S100Z: variants seen among roughly 807,000 people sequenced by gnomAD.
S100Z encodes S100 calcium binding protein Z, also known as protein S100-Z.
S100Z carries 11 observed loss-of-function variants against 8.5 expected under a neutral mutation model. The ratio of observed to expected loss-of-function variants is 1.30; its 90% CI spans 0.82 to 2.15. The LOEUF (loss-of-function observed/expected upper bound fraction) is 2.15. Among genes scored for constraint, S100Z ranks in the 30% most tolerant of loss-of-function variants. S100Z has a pLI of 0.00. For synonymous variants in S100Z, 34 were observed against 43.8 expected (o/e 0.78, Z 0.89); for missense variants, 126 against 117.9 (o/e 1.07, Z -0.32).
the S100Z span, among the ~76,000 whole-genome samples, chr5:76,937,866 T>C: frequency 6.6e-6 from 1 of 152,080 alleles, no homozygotes; most frequent in Non-Finnish European, 1.5e-5. Flanking sequence ...TCCCTTTTTC[T>C]TTTCTAGAAC....
chr5:76,939,873 T>C, the S100Z span, among the ~76,000 whole-genome samples: 1 of 151,798 alleles, frequency 6.6e-6, no homozygotes, highest in Admixed American at 6.6e-5. Context: ...AAATCAGGTT[T>C]ACTGGGCCAG....
At chr5:76,883,523 A>T (rs539216864) in intron 4 of S100Z, among the ~76,000 whole-genome samples, 22 of 152,280 alleles carry the variant, frequency 1.4e-4, no homozygotes, top group African/African-American at 4.8e-4. Flanking sequence ...AAAAGAAGGT[A>T]ATGTGGAGTT....
downstream of S100Z, among the ~76,000 whole-genome samples, chr5:76,926,365 G>A (rs986876861): frequency 2.6e-5 from 4 of 152,078 alleles, no homozygotes; most frequent in Non-Finnish European, 5.9e-5. Flanking sequence ...TCACCAATAA[G>A]GAAATACAAA....
At chr5:76,892,349 G>A (rs1464907676) in intron 4 of S100Z, among the ~76,000 whole-genome samples, 2 of 152,112 alleles carry the variant, frequency 1.3e-5, no homozygotes, top group East Asian at 1.9e-4. Flanking sequence ...CTTGCCACAG[G>A]AAAAGTGGGG....
the S100Z span, among the ~76,000 whole-genome samples, chr5:76,940,728 T>TATGTAATAGTATTAACTAGAGTCC: frequency 8.5e-5 from 13 of 152,338 alleles, no homozygotes; most frequent in East Asian, 1.9e-3. Context: ...AACCAATCTC[T>TATGTAATAGTATTAACTAGAGTCC]ATGTAATAGT....
chr5:76,862,891 G>A (rs13153356), intron 1 of S100Z, among the ~76,000 whole-genome samples: 51,457 of 152,030 alleles, frequency 0.34, 9,752 homozygotes, highest in South Asian at 0.65. Context: ...CCTGCTCTGT[G>A]AATTGTACCT....
rs151096544 is a variant in S100Z at position 76,853,880 on chromosome 5, C to T, written c.-176+3725C>T. On this transcript the variant is annotated intron_variant, in intron 1 of 4. Transcript: ENST00000317593. ...GACTGGATTATGGAGGTGTAGTTCT[C>T]ATGAATGGGTTAGCACCATCCCCTT... 2.9e-3 allele frequency among the ~76,000 whole-genome samples: 439 copies of T among 151,870 alleles called. 1 individual carries two copies. Among genetic ancestry groups the T allele is most frequent in the African/African-American group, 0.01 (421 of 41,402 alleles).
At chr5:76,945,815 T>C in the S100Z span, among the ~76,000 whole-genome samples, 1 of 152,232 alleles carries the variant, frequency 6.6e-6, no homozygotes, top group African/African-American at 2.4e-5. Flanking sequence ...GCTGGTCCTC[T>C]GTATGTTAAG....
intron 4 of S100Z, among the ~76,000 whole-genome samples, chr5:76,890,169 G>A (rs1743807945): frequency 6.6e-6 from 1 of 152,094 alleles, no homozygotes; most frequent in South Asian, 2.1e-4. Context: ...GACTACAGGT[G>A]CATACAACCA....
chr5:76,911,857 G>A (rs1009315456), intron 4 of S100Z, among the ~76,000 whole-genome samples: 4 of 152,158 alleles, frequency 2.6e-5, no homozygotes, highest in African/African-American at 9.7e-5. Context: ...CATTAAAACA[G>A]TTGCGGGGGT....
intron 1 of S100Z, among the ~76,000 whole-genome samples, chr5:76,850,954 G>A (rs967897159): frequency 1.1e-4 from 17 of 152,102 alleles, no homozygotes; most frequent in African/African-American, 3.6e-4. Flanking sequence ...ATGAGCCACC[G>A]CTCCCCAGCC....
rs1036325610 is a variant in S100Z at position 76,850,029 on chromosome 5, C to A, written c.-302C>A. The A allele has an allele frequency of 6.6e-6, 1 of 152,214 alleles. No individual in the cohort carries two copies. Among genetic ancestry groups the A allele is most frequent in the African/African-American group, 2.4e-5 (1 of 41,434 alleles). The allele number at this position is 152,214 out of a possible 1,614,324, so 9.4% of individuals were successfully genotyped here. A position where few individuals can be genotyped will look rare whatever the true frequency, so the allele number is the denominator to read the frequency against. ...TCTGGACCACGCAGACTCAGAACAG[C>A]ACTACTCACAGCAGGGCCTCTTGCT... is the stretch of plus-strand genomic sequence containing the variant. On this transcript the variant is annotated 5_prime_UTR_variant, in exon 1 of 5. Coordinates refer to ENST00000317593, the MANE Select transcript of S100Z (RefSeq NM_130772.4).
chr5:76,863,791 G>A (rs1239185984), intron 1 of S100Z, among the ~76,000 whole-genome samples: 1 of 152,132 alleles, frequency 6.6e-6, no homozygotes, highest in Admixed American at 6.6e-5. Flanking sequence ...ACCCACCTTG[G>A]CCTCCCAAAG....
At chr5:76,882,555 G>A (rs1704805097) in intron 4 of S100Z, among the ~76,000 whole-genome samples, 1 of 152,120 alleles carries the variant, frequency 6.6e-6, no homozygotes, top group Non-Finnish European at 1.5e-5. Flanking sequence ...AGTATCCAAA[G>A]GCAAAAGTAT....
At chr5:76,945,959 G>C in the S100Z span, among the ~76,000 whole-genome samples, 1 of 152,120 alleles carries the variant, frequency 6.6e-6, no homozygotes, top group Admixed American at 6.5e-5. Context: ...CAGGAATTGA[G>C]GTACTCCAAA....
chr5:76,868,725 G>A (rs1335269161), intron 1 of S100Z, among the ~76,000 whole-genome samples: 1 of 149,104 alleles, frequency 6.7e-6, no homozygotes, highest in Non-Finnish European at 1.5e-5. Flanking sequence ...CTGGGTTCAA[G>A]CGATTCTCCT....
rs78062823 is a variant in S100Z, at chr5:76,893,220, G to A, written c.*2+15386G>A. On this transcript the variant is annotated intron_variant, in intron 4 of 4. Transcript: ENST00000317593. ...GGCCCAAATTTGGTGTAAAAATTGC[G>A]GCAGAATGAATTTTTAAGGTATTGC... 1.5e-3 allele frequency among the ~76,000 whole-genome samples: 224 copies of A among 152,134 alleles called. 1 individual carries two copies. Among genetic ancestry groups the A allele is most frequent in the Middle Eastern group, 3.4e-3 (1 of 294 alleles).
intron 4 of S100Z, among the ~76,000 whole-genome samples, chr5:76,906,439 T>G (rs1744424350): frequency 6.6e-6 from 1 of 152,170 alleles, no homozygotes; most frequent in African/African-American, 2.4e-5. Context: ...TTCTCTGGCC[T>G]CCTCACCTGC....
chr5:76,878,026 T>C, intron 4 of S100Z, 192 bp downstream of exon 4: 1 of 389,234 alleles, frequency 2.6e-6, no homozygotes, highest in Non-Finnish European at 4.6e-6. Flanking sequence ...ATATTCTAAA[T>C]CTCATATGCC....
Sources: gnomAD v4.1 joint callset for allele counts (sites outside exome capture counted in the v4.1 genomes callset) on GRCh38, gnomAD v4.1.1 for gene constraint, MANE v1.5 for transcripts, NCBI Gene and HGNC (gene_info 2026-07-23, HGNC 2026-07-21) for gene names.